The following JPH3 variants were observed in gnomAD, a reference collection of about 807,000 sequenced individuals.
JPH3 encodes junctophilin 3, also known as junctophilin-3.
A neutral mutation model predicts 59.6 loss-of-function variants in JPH3; 11 were observed. The observed-to-expected ratio is 0.18, with a 90% CI of 0.12 to 0.31. JPH3 has a LOEUF of 0.31. Ranked by LOEUF, JPH3 falls within the 10% of genes least tolerant of loss-of-function variation. The pLI is 1.00. For missense variants in JPH3, 1,202 were observed against 1,105.7 expected, an observed-to-expected ratio of 1.09 and a Z score of -1.24; for synonymous variants, 673 against 483.6, an observed-to-expected ratio of 1.39 and a Z score of -5.14.
At chr16:87,635,045 C>G (rs1480799260) in intron 1 of JPH3, among the ~76,000 whole-genome samples, 3 of 152,234 alleles carry the variant, frequency 2.0e-5, no homozygotes, top group Non-Finnish European at 4.4e-5. Flanking sequence ...CTCCACTGGA[C>G]TCTGGGACAG....
At chr16:87,616,190 T>TTTTTTGTGTG (rs3221600) in intron 1 of JPH3, among the ~76,000 whole-genome samples, 2 of 116,018 alleles carry the variant, frequency 1.7e-5, no homozygotes, top group East Asian at 2.7e-4. Flanking sequence ...CAATCTGGTT[T>TTTTTTGTGTG]TGTGTGTGTG....
intron 1 of JPH3, among the ~76,000 whole-genome samples, chr16:87,624,725 C>A (rs1049292992): frequency 2.6e-5 from 4 of 152,180 alleles, no homozygotes; most frequent in Non-Finnish European, 5.9e-5. Flanking sequence ...GGTGGCCTGG[C>A]TGGGTCGCTC....
chr16:87,655,205 C>T (rs1609867), intron 2 of JPH3, among the ~76,000 whole-genome samples: 20,802 of 152,306 alleles, frequency 0.14, 1,583 homozygotes, highest in Middle Eastern at 0.19. Context: ...TTCCCGCCAC[C>T]CCCGCCAGGG....
At chr16:87,637,357 G>A (rs825580) in intron 1 of JPH3, among the ~76,000 whole-genome samples, 47,027 of 151,570 alleles carry the variant, frequency 0.31, 7,569 homozygotes, top group African/African-American at 0.36. Context: ...GCCATCATCC[G>A]TCTGTCTCTG....
At chr16:87,673,212 C>G (rs190748840) in intron 2 of JPH3, among the ~76,000 whole-genome samples, 104 of 151,530 alleles carry the variant, frequency 6.9e-4, no homozygotes, top group Non-Finnish European at 1.2e-3. Flanking sequence ...TAAAACACTT[C>G]TACAAATCGA....
intron 1 of JPH3, among the ~76,000 whole-genome samples, chr16:87,617,766 C>T (rs2031025890): frequency 6.6e-6 from 1 of 151,870 alleles, no homozygotes; most frequent in Admixed American, 6.6e-5. Context: ...ACATGCTCAG[C>T]AGAGAAGCTG....
chr16:87,684,112 C>T, intron 2 of JPH3, 30 bp from the exon 3 acceptor site: 1 of 1,586,854 alleles, frequency 6.3e-7, no homozygotes, highest in Non-Finnish European at 8.6e-7. Flanking sequence ...GCCCCCTGCC[C>T]CCCCTCACGC....
intron 1 of JPH3, among the ~76,000 whole-genome samples, chr16:87,642,658 C>T (rs1019761426): frequency 2.0e-5 from 3 of 152,234 alleles, no homozygotes; most frequent in Admixed American, 6.5e-5. Flanking sequence ...GCCGTTAGTG[C>T]CCGGCTGCAG....
At chr16:87,620,755 TC>T (rs2031157026) in intron 1 of JPH3, among the ~76,000 whole-genome samples, 1 of 152,204 alleles carries the variant, frequency 6.6e-6, no homozygotes, top group Admixed American at 6.5e-5. Context: ...GCGGCAAATT[TC>T]CCAAGGCCAC....
chr16:87,651,362 T>A (rs1402137832), intron 2 of JPH3, among the ~76,000 whole-genome samples: 1 of 152,222 alleles, frequency 6.6e-6, no homozygotes, highest in Admixed American at 6.5e-5. Flanking sequence ...ATTTTGACTT[T>A]GAGGTCTTAT....
rs1403567656 is a variant in JPH3, at chr16:87,690,083, C to T, written c.1723C>T (p.Arg575Trp). 1.2e-5 allele frequency: 19 copies of T among 1,574,000 alleles called. No homozygotes were observed. Among genetic ancestry groups the T allele is most frequent in the African/African-American group, 2.7e-5 (2 of 73,424 alleles). Residue 575 changes from arginine (R) to tryptophan (W), a missense_variant, in exon 4 of 5, where the codon CGG becomes TGG. By Grantham distance (101) the Arg-to-Trp change is moderately radical. Coordinates refer to ENST00000284262, the MANE Select transcript of JPH3 (RefSeq NM_020655.4). ...CGGGAACCCCAAGCCGCGGGAGCGG[C>T]GGACGGAGTCACCCCCCGTGTTCAC... ...QPGNPKPRER[R>W]TESPPVFTWT... is the part of the protein sequence containing the mutation.
chr16:87,685,268 C>T (rs1022061901), intron 3 of JPH3, among the ~76,000 whole-genome samples: 1 of 152,238 alleles, frequency 6.6e-6, no homozygotes, highest in Non-Finnish European at 1.5e-5. Flanking sequence ...GCAGCTGCAG[C>T]CTGGAGGTCA....
chr16:87,634,579 C>G (rs946261008), intron 1 of JPH3, among the ~76,000 whole-genome samples: 1 of 152,256 alleles, frequency 6.6e-6, no homozygotes, highest in East Asian at 1.9e-4. Flanking sequence ...GCCGCAGAGC[C>G]ACCACCTTGG....
At chr16:87,642,963 C>G (rs1255919998) in intron 1 of JPH3, among the ~76,000 whole-genome samples, 1 of 152,210 alleles carries the variant, frequency 6.6e-6, no homozygotes, top group Admixed American at 6.5e-5. Context: ...ATTACCTTCA[C>G]GGTGTTAGGT....
intron 1 of JPH3, among the ~76,000 whole-genome samples, chr16:87,608,861 A>C (rs1173255322): frequency 6.6e-6 from 1 of 151,928 alleles, no homozygotes; most frequent in African/African-American, 2.4e-5. Context: ...ACATTGTGAG[A>C]CCCCCGTCTC....
chr16:87,667,800 CTGTT>C (rs1417020151), intron 2 of JPH3, among the ~76,000 whole-genome samples: 3 of 152,186 alleles, frequency 2.0e-5, no homozygotes, highest in African/African-American at 4.8e-5. Flanking sequence ...TCTTCTCTGT[CTGTT>C]TTTGTTTGTT....
intron 1 of JPH3, among the ~76,000 whole-genome samples, chr16:87,629,928 A>T (rs56187936): frequency 0.21 from 31,624 of 151,966 alleles, 3,415 homozygotes; most frequent in African/African-American, 0.23. Flanking sequence ...GTATATGGGA[A>T]CTCTCTGTAC....
At chr16:87,677,669 C>G (rs1462566259) in intron 2 of JPH3, among the ~76,000 whole-genome samples, 4 of 152,200 alleles carry the variant, frequency 2.6e-5, no homozygotes, top group Non-Finnish European at 4.4e-5. Flanking sequence ...ACGGTGCTGT[C>G]CAGGGAGTCT....
chr16:87,672,008 G>A (rs4843668), intron 2 of JPH3, among the ~76,000 whole-genome samples: 36,619 of 152,112 alleles, frequency 0.24, 4,874 homozygotes, highest in East Asian at 0.44. Flanking sequence ...TACGTGCTGC[G>A]TTCAGTCCCA....
Sources: allele counts gnomAD v4.1 joint callset (sites outside exome capture counted in the v4.1 genomes callset), GRCh38; gene constraint gnomAD v4.1.1; transcripts MANE v1.5; gene names NCBI Gene and HGNC (gene_info 2026-07-23, HGNC 2026-07-21).